CALD1: variants seen among roughly 807,000 people sequenced by gnomAD.
CALD1 encodes the protein caldesmon.
CALD1 carries 33 observed loss-of-function variants against 99.9 expected under a neutral mutation model. That is an observed-to-expected ratio of 0.33 (90% CI 0.25 to 0.44). The LOEUF is 0.44. Among genes scored for constraint, CALD1 ranks in the 20% least tolerant of loss-of-function variants. The pLI, the probability that CALD1 is intolerant of heterozygous loss-of-function variation, is 1.00. For missense variants in CALD1, 861 were observed against 962.1 expected (o/e 0.89, Z 1.39); for synonymous variants, 310 against 325.0 (o/e 0.95, Z 0.50).
intron 3 of CALD1, among the ~76,000 whole-genome samples, chr7:134,906,777 C>G (rs1209427537): frequency 1.3e-5 from 2 of 152,100 alleles, no homozygotes; most frequent in African/African-American, 4.8e-5. Context: ...TGAGGTGATT[C>G]CTAGGGCCTC....
intron 3 of CALD1, among the ~76,000 whole-genome samples, chr7:134,877,856 A>G (rs1426361867): frequency 6.6e-6 from 1 of 152,212 alleles, no homozygotes; most frequent in Admixed American, 6.5e-5. Context: ...AAGGAAAATC[A>G]TATGCCTAAT....
chr7:134,849,676 G>A (rs1411074168), intron 2 of CALD1, among the ~76,000 whole-genome samples: 1 of 152,078 alleles, frequency 6.6e-6, no homozygotes, highest in Non-Finnish European at 1.5e-5. Context: ...CATGGATATG[G>A]AGAGCTGATA....
chr7:134,828,515 C>G (rs11980721), intron 1 of CALD1, among the ~76,000 whole-genome samples: 5,708 of 152,220 alleles, frequency 0.037, 126 homozygotes, highest in Non-Finnish European at 0.052. Context: ...ATCATCTGTT[C>G]CATAATTGTC....
chr7:134,841,263 A>G (rs575538932), intron 1 of CALD1, among the ~76,000 whole-genome samples: 3 of 152,300 alleles, frequency 2.0e-5, no homozygotes, highest in East Asian at 1.9e-4. Context: ...CTAAGATCAT[A>G]TATTTCTTTT....
the CALD1 span, among the ~76,000 whole-genome samples, chr7:134,729,808 T>C: frequency 6.6e-6 from 1 of 152,222 alleles, no homozygotes; most frequent in African/African-American, 2.4e-5. Context: ...GGAGAATTAC[T>C]TGCTGCCTAT....
chr7:134,769,850 C>G (rs762191137), intron 1 of CALD1, among the ~76,000 whole-genome samples: 52 of 152,184 alleles, frequency 3.4e-4, no homozygotes, highest in Non-Finnish European at 7.1e-4. Flanking sequence ...TTTGGCCAGG[C>G]TGGTCTTGAA....
chr7:134,769,590 T>A (rs1012974507), intron 1 of CALD1, among the ~76,000 whole-genome samples: 5 of 150,570 alleles, frequency 3.3e-5, no homozygotes, highest in Non-Finnish European at 4.4e-5. Context: ...ATACACACAC[T>A]CTCTCTCTCT....
intron 2 of CALD1, among the ~76,000 whole-genome samples, chr7:134,849,958 G>T (rs1800009641): frequency 6.6e-6 from 1 of 152,208 alleles, no homozygotes; most frequent in Non-Finnish European, 1.5e-5. Flanking sequence ...GATATACTGA[G>T]ATGATTTAGC....
At chr7:134,929,640 G>GTA (rs1805361855) in intron 4 of CALD1, among the ~76,000 whole-genome samples, 1 of 59,866 alleles carries the variant, frequency 1.7e-5, no homozygotes, top group Non-Finnish European at 3.8e-5. Context: ...GTGTGTGTGT[G>GTA]TGTGTGTATA....
chr7:134,743,281 T>C (rs1796606754), upstream of CALD1, among the ~76,000 whole-genome samples: 1 of 151,964 alleles, frequency 6.6e-6, no homozygotes, highest in Admixed American at 6.5e-5. Flanking sequence ...GGAGAGGAAA[T>C]AAAAGCACAA....
chr7:134,954,819 T>C (rs1230459284), intron 9 of CALD1, among the ~76,000 whole-genome samples: 1 of 152,230 alleles, frequency 6.6e-6, no homozygotes. Flanking sequence ...CAAATCTTTG[T>C]ACATGTGCTT....
At chr7:134,848,097 GA>G (rs566114460) in intron 2 of CALD1, among the ~76,000 whole-genome samples, 156 of 142,960 alleles carry the variant, frequency 1.1e-3, no homozygotes, top group African/African-American at 8.7e-4. Flanking sequence ...ACAGTCTGGG[GA>G]AAAAAAAAAA....
rs185953467 is a variant in CALD1, at chr7:134,940,553, C to T, written c.1387-539C>T. ...CTAAAGGTAGGGTTAGTAAATGTCC[C>T]ATCCTTGGGACATAATTTACTCAGT... On this transcript the variant is annotated intron_variant, in intron 6 of 14. Coordinates refer to ENST00000361675, the MANE Select transcript of CALD1 (RefSeq NM_033138.4). 1.3e-3 allele frequency among the ~76,000 whole-genome samples: 200 copies of T among 152,296 alleles called. 3 individuals are homozygous for T. The highest frequency in any genetic ancestry group is 4.4e-3 in the African/African-American group (184 of 41,574).
chr7:134,946,207 G>A (rs1229513491), intron 7 of CALD1, among the ~76,000 whole-genome samples: 1 of 151,952 alleles, frequency 6.6e-6, no homozygotes, highest in Non-Finnish European at 1.5e-5. Flanking sequence ...TATGATATCA[G>A]TATGATATCA....
At chr7:134,759,767 C>A (rs533929000) in intron 1 of CALD1, among the ~76,000 whole-genome samples, 5 of 152,182 alleles carry the variant, frequency 3.3e-5, no homozygotes, top group Non-Finnish European at 5.9e-5. Flanking sequence ...ACAAATAAAA[C>A]AGACAAAGAA....
chr7:134,881,556 G>A (rs1327762317), intron 3 of CALD1, among the ~76,000 whole-genome samples: 2 of 152,100 alleles, frequency 1.3e-5, no homozygotes, highest in African/African-American at 2.4e-5. Context: ...CATGACGTAC[G>A]TTTATCATGT....
chr7:134,823,748 T>G (rs866300351), intron 1 of CALD1, among the ~76,000 whole-genome samples: 1 of 152,212 alleles, frequency 6.6e-6, no homozygotes, highest in African/African-American at 2.4e-5. Flanking sequence ...TGTCTGACTT[T>G]GAAAAAAATA....
At chr7:134,722,358 A>G in the CALD1 span, among the ~76,000 whole-genome samples, 29 of 150,406 alleles carry the variant, frequency 1.9e-4, no homozygotes, top group Non-Finnish European at 4.0e-4. Context: ...CATCTTTCCA[A>G]CTTTGTGCTG....
chr7:134,856,571 C>A (rs1397462947), intron 2 of CALD1, among the ~76,000 whole-genome samples: 5 of 152,164 alleles, frequency 3.3e-5, no homozygotes, highest in African/African-American at 9.7e-5. Context: ...CCAAAGGCTG[C>A]GGAAATTTGA....
Sources: gnomAD v4.1 joint callset for allele counts (sites outside exome capture counted in the v4.1 genomes callset) on GRCh38, gnomAD v4.1.1 for gene constraint, MANE v1.5 for transcripts, NCBI Gene and HGNC (gene_info 2026-07-23, HGNC 2026-07-21) for gene names.